Variants in RGS2 observed in about 807,000 individuals in gnomAD.
RGS2 encodes the protein G0 to G1 switch regulatory 8, 24kD.
A neutral mutation model predicts 26.6 loss-of-function variants in RGS2; 20 were observed. The ratio of observed to expected loss-of-function variants is 0.75; its 90% CI spans 0.53 to 1.09. The LOEUF (loss-of-function observed/expected upper bound fraction) is 1.09, where lower values mean the gene tolerates loss of function less well. Among genes scored for constraint, RGS2 ranks in the 50% least tolerant of loss-of-function variants. RGS2 has a pLI of 0.00. For missense variants in RGS2, 246 were observed against 245.5 expected, an observed-to-expected ratio of 1.00 and a Z score of -0.01; for synonymous variants, 97 against 79.9, an observed-to-expected ratio of 1.21 and a Z score of -1.14.
intron 1 of RGS2, chr1:192,809,506 G>A: frequency 2.5e-6 from 1 of 400,858 alleles, no homozygotes; most frequent in Non-Finnish European, 4.8e-6. Flanking sequence ...TGCATGATGA[G>A]TTCTCATCAG....
At chr1:192,810,863 C>G in intron 3 of RGS2, 118 bp from the exon 4 acceptor site, 2 of 1,210,476 alleles carry the variant, frequency 1.7e-6, no homozygotes, top group Admixed American at 1.7e-5. Context: ...CAGGTTTGAG[C>G]GAAATCTAGA....
rs903273412 is a variant in RGS2 at position 192,811,477 on chromosome 1, G to A, written c.517G>A (p.Ala173Thr). ...AGCTACAAGTGGCTGCTTTACAACTGCCCAGAAAAGGGTATACAGCTTGAT... is the reference window on the plus strand; with the variant it reads ...AGCTACAAGTGGCTGCTTTACAACTACCCAGAAAAGGGTATACAGCTTGAT... Reference protein sequence around the residue: ...QEATSGCFTTAQKRVYSLMEN... With the variant: ...QEATSGCFTTTQKRVYSLMEN... Residue 173 changes from alanine (A) to threonine (T), a missense_variant, in exon 5 of 5, where the codon GCC becomes ACC. Transcript: ENST00000235382. 8.7e-6 allele frequency: 14 copies of A among 1,613,884 alleles called. No individual in the cohort carries two copies. The highest frequency in any genetic ancestry group is 5.0e-5 in the Admixed American group (3 of 60,006).
Position 192,811,308 on chromosome 1 carries a change from T to C in RGS2, c.442-94T>C, listed in dbSNP as rs1665588779. 3.1e-6 allele frequency: 4 copies of C among 1,291,160 alleles called. No individual in the cohort carries two copies. In the Admixed American group the frequency reaches 7.5e-5, roughly 24 times the overall value. 80.0% of individuals were successfully genotyped at this position (1,291,160 alleles called of 1,614,324 possible). A position where few individuals can be genotyped will look rare whatever the true frequency, so the allele number is the denominator to read the frequency against. On this transcript the variant is annotated intron_variant, in intron 4 of 4. Transcript: ENST00000235382. ...TCTCCTGTGACTTAGCTAGTAAAGC[T>C]AATCACACATAATTTTTATTTTTTG...
chr1:192,810,638 AATT>A, intron 3 of RGS2: 1 of 640,946 alleles, frequency 1.6e-6, no homozygotes, highest in South Asian at 1.8e-5. Context: ...AGCCTAAACA[AATT>A]AAAGTGGCAG....
At position 192,809,066 on chromosome 1, in the gene RGS2, A is replaced by G. The variant is rs377637167; in HGVS notation, c.-6A>G. 182 of 1,606,822 alleles carry G rather than the reference A, an allele frequency of 1.1e-4. No individual in the cohort carries two copies. The highest frequency in any genetic ancestry group is 3.3e-4 in the Middle Eastern group (2 of 6,056). ...AAACAGCCGGGGCTCCAGCGGGAGA[A>G]CGATAATGCAAAGTGCTATGTTCTT... On this transcript the variant is annotated 5_prime_UTR_variant, in exon 1 of 5. Transcript: ENST00000235382.
rs1015752834 is a variant in RGS2 at position 192,811,656 on chromosome 1, T to C, written c.*60T>C. On this transcript the variant is annotated 3_prime_UTR_variant, in exon 5 of 5. Coordinates refer to ENST00000235382, the MANE Select transcript of RGS2 (RefSeq NM_002923.4). ...CATTCTTTTTCCTGAGGGGAAGGAC[T>C]GTGACCTGCCATAAAGACTGACCTT... 18 of 1,479,580 alleles carry C rather than the reference T, an allele frequency of 1.2e-5. No homozygotes were observed. In the Admixed American group the frequency reaches 3.0e-4, roughly 25 times the overall value. The allele number at this position is 1,479,580 out of a possible 1,614,324, so 91.7% of individuals were successfully genotyped here. A position where few individuals can be genotyped will look rare whatever the true frequency, so the allele number is the denominator to read the frequency against.
Position 192,810,216 on chromosome 1 carries a change from C to G in RGS2, c.161C>G (p.Thr54Ser). ...RLSYFLQNSS[T>S]PGKPKTGKKS... ...AGCTACTTCTTACAAAATTCCTCTA[C>G]TCCTGGGAAGCCCAAAACCGGCAAA... is the stretch of plus-strand genomic sequence containing the variant. The change falls in exon 2 of 5, where the codon ACT (threonine) becomes AGT (serine). Residue 54 changes from threonine to serine, a missense_variant. By Grantham distance (58) the Thr-to-Ser change is moderately conservative. Coordinates refer to ENST00000235382, the MANE Select transcript of RGS2 (RefSeq NM_002923.4). 6.2e-7 allele frequency: 1 copy of G among 1,614,002 alleles called. No individual in the cohort carries two copies. Among genetic ancestry groups the G allele is most frequent in the Non-Finnish European group, 8.5e-7 (1 of 1,179,854 alleles).
Position 192,809,200 on chromosome 1 carries a change from C to G in RGS2, c.110+19C>G. 3.9e-6 allele frequency: 6 copies of G among 1,529,290 alleles called. No homozygotes were observed. The highest frequency in any genetic ancestry group is 5.4e-6 in the Non-Finnish European group (6 of 1,102,616). 94.7% of individuals were successfully genotyped at this position (1,529,290 alleles called of 1,614,324 possible). ...GGACCCTGTGAGTATGGCTTTCTTCCCTCTCCCGCCACCCCCTGCCCCACA... is the reference window on the plus strand; with the variant it reads ...GGACCCTGTGAGTATGGCTTTCTTCGCTCTCCCGCCACCCCCTGCCCCACA... On this transcript the variant is annotated intron_variant, in intron 1 of 4. Coordinates refer to ENST00000235382, the MANE Select transcript of RGS2 (RefSeq NM_002923.4).
chr1:192,809,097 T>A lies in RGS2; in HGVS notation c.26T>A (p.Val9Asp). 1.2e-6 allele frequency: 2 copies of A among 1,613,888 alleles called. No individual in the cohort carries two copies. Among genetic ancestry groups the A allele is most frequent in the Non-Finnish European group, 1.7e-6 (2 of 1,179,820 alleles). ...ATGCAAAGTGCTATGTTCTTGGCTG[T>A]TCAACACGACTGCAGACCCATGGAC... is the stretch of plus-strand genomic sequence containing the variant. MQSAMFLA[V>D]QHDCRPMDKS... Residue 9 changes from valine (V) to aspartate (D), a missense_variant, in exon 1 of 5, where the codon GTT becomes GAT. By Grantham distance (152) the Val-to-Asp change is radical. Transcript: ENST00000235382.
Position 192,811,783 on chromosome 1 carries a change from G to C in RGS2, c.*187G>C. 1.5e-6 allele frequency: 1 copy of C among 650,306 alleles called. No individual in the cohort carries two copies. The highest frequency in any genetic ancestry group is 2.8e-6 in the Non-Finnish European group (1 of 361,458). The allele number at this position is 650,306 out of a possible 1,614,324, so 40.3% of individuals were successfully genotyped here. ...AACTGACTAGGAGAAGCTGGTATCA[G>C]AACAGCTTCCCTCACTGTGTACAGA... On this transcript the variant is annotated 3_prime_UTR_variant, in exon 5 of 5. Transcript: ENST00000235382.
Position 192,811,659 on chromosome 1 carries a change from G to A in RGS2, c.*63G>A. ...TCTTTTTCCTGAGGGGAAGGACTGT[G>A]ACCTGCCATAAAGACTGACCTTGAA... On this transcript the variant is annotated 3_prime_UTR_variant, in exon 5 of 5. Transcript: ENST00000235382. 3 of 1,471,990 alleles carry A rather than the reference G, an allele frequency of 2.0e-6. No individual in the cohort carries two copies. Among genetic ancestry groups the A allele is most frequent in the Admixed American group, 1.7e-5 (1 of 59,640 alleles). 91.2% of individuals were successfully genotyped at this position (1,471,990 alleles called of 1,614,324 possible).
intron 4 of RGS2, 117 bp downstream of exon 4, chr1:192,811,264 C>T: frequency 1.5e-6 from 2 of 1,345,582 alleles, no homozygotes; most frequent in African/African-American, 2.9e-5. Flanking sequence ...CACGTTGTAG[C>T]TTTCAGTTAT....
rs751189088 is a variant in RGS2 at position 192,810,361 on chromosome 1, C to A, written c.213-9C>A. 2 of 1,614,138 alleles carry A rather than the reference C, an allele frequency of 1.2e-6. No individual in the cohort carries two copies. Among genetic ancestry groups the A allele is most frequent in the Admixed American group, 1.7e-5 (1 of 60,024 alleles). On this transcript the variant is annotated splice_polypyrimidine_tract_variant and intron_variant, in intron 2 of 4. Coordinates refer to ENST00000235382, the MANE Select transcript of RGS2 (RefSeq NM_002923.4). ...GTGCGTAAGCTAACATACAGAACCT[C>A]TCTTGCAGGCCTTCTCCTGAGGAAG... is the stretch of plus-strand genomic sequence containing the variant.
At position 192,809,732 on chromosome 1, in the gene RGS2, C is replaced by G. The variant is rs186283475; in HGVS notation, c.111-434C>G. Among the ~76,000 whole-genome samples, 584 of 152,024 alleles carry G rather than the reference C, an allele frequency of 3.8e-3. 6 individuals are homozygous for G. Among genetic ancestry groups the G allele is most frequent in the African/African-American group, 0.013 (522 of 41,476 alleles). On this transcript the variant is annotated intron_variant, in intron 1 of 4. Transcript: ENST00000235382. ...CTCTTTGTACAGTCTCTGGCGTGGT[C>G]CAGAACCTCCTGCTCTAAAGAGAGA... is the stretch of plus-strand genomic sequence containing the variant.
intron 1 of RGS2, among the ~76,000 whole-genome samples, 158 bp from the exon 2 acceptor site, chr1:192,810,008 A>G (rs1665558217): frequency 6.6e-6 from 1 of 152,218 alleles, no homozygotes; most frequent in African/African-American, 2.4e-5. Flanking sequence ...TGAGGTTTAA[A>G]TGTTAGGTGG....
At position 192,810,363 on chromosome 1, in the gene RGS2, C is replaced by G. The variant is rs971487102; in HGVS notation, c.213-7C>G. On this transcript the variant is annotated splice_polypyrimidine_tract_variant and splice_region_variant and intron_variant, in intron 2 of 4. Coordinates refer to ENST00000235382, the MANE Select transcript of RGS2 (RefSeq NM_002923.4). ...GCGTAAGCTAACATACAGAACCTCT[C>G]TTGCAGGCCTTCTCCTGAGGAAGCA... 2 of 1,614,074 alleles carry G rather than the reference C, an allele frequency of 1.2e-6. No individual in the cohort carries two copies. The highest frequency in any genetic ancestry group is 1.6e-4 in the Middle Eastern group (1 of 6,062).
At position 192,810,227 on chromosome 1, in the gene RGS2, C is replaced by A. The variant is rs1346551465; in HGVS notation, c.172C>A (p.Pro58Thr). 1.2e-6 allele frequency: 2 copies of A among 1,613,912 alleles called. No individual in the cohort carries two copies. The highest frequency in any genetic ancestry group is 2.7e-5 in the African/African-American group (2 of 74,930). The change falls in exon 2 of 5, where the codon CCC becomes ACC. Residue 58 changes from proline (P) to threonine (T), a missense_variant. Transcript: ENST00000235382. ...ACAAAATTCCTCTACTCCTGGGAAG[C>A]CCAAAACCGGCAAAAAAAGCAAACA... ...FLQNSSTPGK[P>T]KTGKKSKQQA...
chr1:192,811,111 A>G lies in RGS2; in HGVS notation c.405A>G (p.Ile135Met), dbSNP rs1284482477. The G allele has an allele frequency of 1.9e-6, 3 of 1,614,188 alleles. No individual in the cohort carries two copies. Among genetic ancestry groups the G allele is most frequent in the Admixed American group, 3.3e-5 (2 of 60,028 alleles). The stretch of plus-strand genomic sequence containing the variant: ...AGCTGTCCTCAAAAGCAAGGAAAAT[A>G]TATACTGACTTCATAGAAAAGGAAG... ...PQKLSSKARK[I>M]YTDFIEKEAP... is the part of the protein sequence containing the mutation. Residue 135 changes from isoleucine to methionine, a missense_variant, in exon 4 of 5, where the codon ATA (isoleucine) becomes ATG (methionine). Ile to Met is a conservative substitution (Grantham distance 10, BLOSUM62 1). Transcript: ENST00000235382.
In RGS2 at chr1:192,809,057, A is replaced by T; in HGVS notation, c.-15A>T. ...CCCAGCCGCAAACAGCCGGGGCTCCAGCGGGAGAACGATAATGCAAAGTGC... is the reference window on the plus strand; with the variant it reads ...CCCAGCCGCAAACAGCCGGGGCTCCTGCGGGAGAACGATAATGCAAAGTGC... On this transcript the variant is annotated 5_prime_UTR_variant, in exon 1 of 5. Coordinates refer to ENST00000235382, the MANE Select transcript of RGS2 (RefSeq NM_002923.4). 2 of 1,593,738 alleles carry T rather than the reference A, an allele frequency of 1.3e-6. No homozygotes were observed. Among genetic ancestry groups the T allele is most frequent in the Non-Finnish European group, 1.7e-6 (2 of 1,161,648 alleles).
Sources: allele counts gnomAD v4.1 joint callset (sites outside exome capture counted in the v4.1 genomes callset), GRCh38; gene constraint gnomAD v4.1.1; transcripts MANE v1.5; gene names NCBI Gene and HGNC (gene_info 2026-07-23, HGNC 2026-07-21).